TLR6: variants seen among roughly 807,000 people sequenced by gnomAD.
TLR6 encodes the protein toll-like receptor 6.
Under a neutral mutation model 16.1 loss-of-function variants are expected in TLR6, and 9 were observed. The observed-to-expected ratio is 0.56, with a 90% confidence interval of 0.34 to 0.98. The LOEUF is 0.98. Ranked by LOEUF, TLR6 falls within the 50% of genes least tolerant of loss-of-function variation. The pLI, the probability that TLR6 is intolerant of heterozygous loss-of-function variation, is 0.02. For missense variants in TLR6, 786 were observed against 921.0 expected (o/e 0.85, Z 1.90); for synonymous variants, 340 against 338.6 (o/e 1.00, Z -0.04).
the TLR6 span, among the ~76,000 whole-genome samples, chr4:38,864,948 C>T: frequency 6.6e-6 from 1 of 152,052 alleles, no homozygotes; most frequent in Admixed American, 6.5e-5. Context: ...AGTCTGAGGC[C>T]GCACTGAGCC....
At chr4:38,855,554 T>A (rs559838455) in intron 1 of TLR6, among the ~76,000 whole-genome samples, 1 of 152,308 alleles carries the variant, frequency 6.6e-6, no homozygotes, top group East Asian at 1.9e-4. Context: ...TGGAGAACTT[T>A]CAGATAATAG....
intron 1 of TLR6, among the ~76,000 whole-genome samples, chr4:38,844,767 T>G (rs1289929963): frequency 6.6e-6 from 1 of 152,192 alleles, no homozygotes; most frequent in Non-Finnish European, 1.5e-5. Context: ...AAAAATGTTC[T>G]AAGAGACCTG....
At chr4:38,840,633 C>CAA (rs377719537) in intron 1 of TLR6, among the ~76,000 whole-genome samples, 3 of 107,224 alleles carry the variant, frequency 2.8e-5, no homozygotes, top group Non-Finnish European at 4.5e-5. Flanking sequence ...GACTCCCTCT[C>CAA]AAAAAAAAAA....
At chr4:38,833,814 TTATGA>T (rs1711755013) in intron 1 of TLR6, among the ~76,000 whole-genome samples, 1 of 151,968 alleles carries the variant, frequency 6.6e-6, no homozygotes, top group South Asian at 2.1e-4. Context: ...GAAAAATAAT[TTATGA>T]TCTGAGTCAG....
intron 1 of TLR6, among the ~76,000 whole-genome samples, chr4:38,842,298 T>A (rs1329412180): frequency 6.6e-6 from 1 of 152,164 alleles, no homozygotes; most frequent in Non-Finnish European, 1.5e-5. Flanking sequence ...TATATTTATA[T>A]CTTAAGGAGG....
At chr4:38,845,613 T>C (rs1274456563) in intron 1 of TLR6, among the ~76,000 whole-genome samples, 1 of 152,172 alleles carries the variant, frequency 6.6e-6, no homozygotes, top group Non-Finnish European at 1.5e-5. Flanking sequence ...CTCTAGAAGT[T>C]TGAAAAGGCA....
chr4:38,849,111 G>A (rs1480710709), intron 1 of TLR6, among the ~76,000 whole-genome samples: 2 of 152,198 alleles, frequency 1.3e-5, no homozygotes, highest in African/African-American at 4.8e-5. Context: ...AGAAGAGAGT[G>A]GGGGCCAATA....
the TLR6 span, among the ~76,000 whole-genome samples, chr4:38,862,710 C>T: frequency 1.3e-5 from 2 of 150,374 alleles, no homozygotes; most frequent in African/African-American, 4.9e-5. Flanking sequence ...ATTCTCCTGC[C>T]TCAGCCTCCC....
intron 1 of TLR6, among the ~76,000 whole-genome samples, chr4:38,854,114 T>A (rs1712871152): frequency 6.6e-6 from 1 of 152,238 alleles, no homozygotes; most frequent in Non-Finnish European, 1.5e-5. Flanking sequence ...TTTACTGTAC[T>A]ATTTACTGAA....
At position 38,832,085 on chromosome 4, in the gene TLR6, T is replaced by A. The variant is rs941868611; in HGVS notation, c.-64-2548A>T. Among the ~76,000 whole-genome samples the A allele has an allele frequency of 2.0e-5, 3 of 152,286 alleles. No homozygotes were observed. In the South Asian group the frequency reaches 6.2e-4, roughly 32 times the overall value. ...AAGCTTTATTCATAACTGTCAAACATTGGAAGCAACAAGATATCCCTCAAT... is the reference window on the plus strand; with the variant it reads ...AAGCTTTATTCATAACTGTCAAACAATGGAAGCAACAAGATATCCCTCAAT... On this transcript the variant is annotated intron_variant, in intron 1 of 1. Coordinates refer to ENST00000436693, the Ensembl canonical transcript of TLR6.
intron 1 of TLR6, among the ~76,000 whole-genome samples, chr4:38,846,103 A>G (rs112900286): frequency 0.21 from 30,525 of 146,438 alleles, 3,960 homozygotes; most frequent in Non-Finnish European, 0.28. Context: ...AAAAAAAAAA[A>G]AAAAGAAAAG....
chr4:38,839,846 G>T (rs966114663), intron 1 of TLR6, among the ~76,000 whole-genome samples: 1 of 152,164 alleles, frequency 6.6e-6, no homozygotes, highest in African/African-American at 2.4e-5. Context: ...GGGGCATTTG[G>T]GTATGAATGT....
chr4:38,840,859 A>C (rs1560268214), intron 1 of TLR6, among the ~76,000 whole-genome samples: 1 of 152,228 alleles, frequency 6.6e-6, no homozygotes, highest in Non-Finnish European at 1.5e-5. Context: ...GCAGTGCCAC[A>C]TCGAAAATAA....
chr4:38,856,138 G>A (rs1010396707), intron 1 of TLR6, among the ~76,000 whole-genome samples: 1 of 146,328 alleles, frequency 6.8e-6, no homozygotes, highest in African/African-American at 2.5e-5. Flanking sequence ...CACTGTGCCA[G>A]ATTCAAGCTT....
chr4:38,846,801 A>G (rs1384698290), intron 1 of TLR6, among the ~76,000 whole-genome samples: 1 of 152,136 alleles, frequency 6.6e-6, no homozygotes, highest in Non-Finnish European at 1.5e-5. Flanking sequence ...AAAACCATGT[A>G]AGATAGTTGT....
chr4:38,836,139 A>C (rs1711903202), intron 1 of TLR6, among the ~76,000 whole-genome samples: 1 of 152,156 alleles, frequency 6.6e-6, no homozygotes, highest in African/African-American at 2.4e-5. Context: ...AGCTCAGAGA[A>C]CTAAACAAAA....
chr4:38,863,800 C>T, the TLR6 span, among the ~76,000 whole-genome samples: 1 of 152,188 alleles, frequency 6.6e-6, no homozygotes, highest in African/African-American at 2.4e-5. Context: ...TGCCAGCCTC[C>T]ATCCTTCTCT....
intron 1 of TLR6, among the ~76,000 whole-genome samples, chr4:38,848,145 C>A (rs1712614432): frequency 6.6e-6 from 1 of 152,242 alleles, no homozygotes; most frequent in Admixed American, 6.5e-5. Flanking sequence ...TGTTCTGCAG[C>A]CTCCGCTGCT....
upstream of TLR6, among the ~76,000 whole-genome samples, chr4:38,858,666 G>A (rs1713083862): frequency 1.3e-5 from 2 of 151,196 alleles, no homozygotes; most frequent in African/African-American, 2.4e-5. Context: ...GTAGCAGAGA[G>A]CTGAGATTGT....
Sources: gnomAD v4.1 joint callset for allele counts (sites outside exome capture counted in the v4.1 genomes callset) on GRCh38, gnomAD v4.1.1 for gene constraint, MANE v1.5 for transcripts, NCBI Gene and HGNC (gene_info 2026-07-23, HGNC 2026-07-21) for gene names.